Variants in MOB1B observed in about 807,000 individuals in gnomAD.
MOB1B encodes the protein MOB kinase activator 1B, also known as MOB1 Mps One Binder homolog B.
A neutral mutation model predicts 24.4 loss-of-function variants in MOB1B; 19 were observed. The ratio of observed to expected loss-of-function variants is 0.78; its 90% CI spans 0.54 to 1.14. The LOEUF (loss-of-function observed/expected upper bound fraction) is 1.14, where lower values mean the gene tolerates loss of function less well. MOB1B is among the 50% of genes most tolerant of loss of function. The probability of loss-of-function intolerance (pLI) is 0.00; values close to 1 mark genes in which losing one functional copy is unlikely to be tolerated. For missense variants in MOB1B, 243 were observed against 259.6 expected (o/e 0.94, Z 0.44); for synonymous variants, 76 against 82.1 (o/e 0.93, Z 0.40).
In MOB1B at chr4:70,983,604, C is replaced by T. The variant is rs555703559; in HGVS notation, c.*1547C>T. On this transcript the variant is annotated 3_prime_UTR_variant, in exon 6 of 6. Coordinates refer to ENST00000309395, the MANE Select transcript of MOB1B (RefSeq NM_173468.4). Reference sequence around the variant, plus strand: ...CTTCAGTTGAAACATATACCTTTTTCACATCTAGGAAGAAATGCTTGCTCT... The same window carrying T: ...CTTCAGTTGAAACATATACCTTTTTTACATCTAGGAAGAAATGCTTGCTCT... 1.3e-5 allele frequency: 2 copies of T among 152,476 alleles called. No homozygotes were observed. Among genetic ancestry groups the T allele is most frequent in the African/African-American group, 4.8e-5 (2 of 41,418 alleles). The allele number at this position is 152,476 out of a possible 1,614,324, so 9.4% of individuals were successfully genotyped here.
chr4:70,959,712 A>G (rs1738221971), intron 2 of MOB1B, among the ~76,000 whole-genome samples: 1 of 152,112 alleles, frequency 6.6e-6, no homozygotes, highest in African/African-American at 2.4e-5. Flanking sequence ...ATTTCGGTTT[A>G]ATAGATTAAG....
rs546511912 is a variant in MOB1B at position 70,932,937 on chromosome 4, G to A, written c.15-25937G>A. On this transcript the variant is annotated intron_variant, in intron 1 of 5. Transcript: ENST00000309395. Reference sequence around the variant, plus strand: ...CTTATCTATAGTATACTGTAAGAACGCTGGGTCATATATCTATATTATTGT... The same window carrying A: ...CTTATCTATAGTATACTGTAAGAACACTGGGTCATATATCTATATTATTGT... 9.3e-4 allele frequency among the ~76,000 whole-genome samples: 141 copies of A among 152,242 alleles called. 2 individuals are homozygous for A. The highest frequency in any genetic ancestry group is 1.8e-3 in the African/African-American group (76 of 41,518).
intron 5 of MOB1B, among the ~76,000 whole-genome samples, chr4:70,981,201 T>G (rs1175730284): frequency 6.6e-6 from 1 of 152,232 alleles, no homozygotes; most frequent in Non-Finnish European, 1.5e-5. Flanking sequence ...GGTCCTGTTA[T>G]TAAATATCCT....
intron 3 of MOB1B, among the ~76,000 whole-genome samples, chr4:70,973,782 A>T (rs540166768): frequency 7.9e-5 from 12 of 152,214 alleles, no homozygotes; most frequent in Non-Finnish European, 2.9e-5. Context: ...CACTTTTGGC[A>T]GTAAGGTTGT....
intron 1 of MOB1B, among the ~76,000 whole-genome samples, chr4:70,934,226 A>G (rs996971622): frequency 1.3e-5 from 2 of 151,150 alleles, no homozygotes; most frequent in Non-Finnish European, 2.9e-5. Flanking sequence ...CCAGGATTAC[A>G]GGCATGTACC....
At chr4:70,960,173 C>T (rs902432035) in intron 2 of MOB1B, among the ~76,000 whole-genome samples, 1 of 152,088 alleles carries the variant, frequency 6.6e-6, no homozygotes, top group Non-Finnish European at 1.5e-5. Flanking sequence ...TGAGCTACCA[C>T]GCCCGGCCAG....
intron 1 of MOB1B, among the ~76,000 whole-genome samples, chr4:70,933,839 T>G (rs1736978009): frequency 6.6e-6 from 1 of 151,838 alleles, no homozygotes; most frequent in Non-Finnish European, 1.5e-5. Flanking sequence ...TGTGAGCCAC[T>G]GTGCCTGGCC....
intron 1 of MOB1B, among the ~76,000 whole-genome samples, chr4:70,931,214 G>A (rs1283097804): frequency 6.6e-6 from 1 of 152,106 alleles, no homozygotes; most frequent in African/African-American, 2.4e-5. Flanking sequence ...AATGAAATTA[G>A]CTTTAATGAA....
rs563422744 is a variant in MOB1B, at chr4:70,976,044, C to T, written c.409+758C>T. 18 of 256,092 alleles carry T rather than the reference C, an allele frequency of 7.0e-5. No individual in the cohort carries two copies. In the East Asian group the frequency reaches 1.4e-3, roughly 20 times the overall value. 15.9% of individuals were successfully genotyped at this position (256,092 alleles called of 1,614,324 possible). On this transcript the variant is annotated intron_variant, in intron 4 of 5. Coordinates refer to ENST00000309395, the MANE Select transcript of MOB1B (RefSeq NM_173468.4). ...CATCCTAAGTAACTGGGACTACAGA[C>T]GCGTGCCACCACGCCCAGCTAATTT...
At chr4:70,908,330 C>CTTT (rs1214043788) in intron 1 of MOB1B, among the ~76,000 whole-genome samples, 1 of 132,236 alleles carries the variant, frequency 7.6e-6, no homozygotes, top group Non-Finnish European at 1.6e-5. Flanking sequence ...GCCCGGCCCT[C>CTTT]TTTTTTTTTT....
At chr4:70,913,099 C>T (rs76936831) in intron 1 of MOB1B, among the ~76,000 whole-genome samples, 1,636 of 152,240 alleles carry the variant, frequency 0.011, 27 homozygotes, top group African/African-American at 0.038. Context: ...CTTTCCTTGA[C>T]TTTTATGACC....
chr4:70,921,330 A>G (rs1041745664), intron 1 of MOB1B, among the ~76,000 whole-genome samples: 5 of 152,156 alleles, frequency 3.3e-5, no homozygotes, highest in Admixed American at 1.3e-4. Context: ...AGCACTATCT[A>G]TGCAAAACAG....
chr4:70,938,991 C>A (rs186425646), intron 1 of MOB1B, among the ~76,000 whole-genome samples: 1 of 152,224 alleles, frequency 6.6e-6, no homozygotes, highest in Admixed American at 6.5e-5. Flanking sequence ...TGGCCCCTTG[C>A]AGTTCAAATT....
chr4:70,940,033 G>T (rs1251549346), intron 1 of MOB1B, among the ~76,000 whole-genome samples: 1 of 152,168 alleles, frequency 6.6e-6, no homozygotes, highest in Non-Finnish European at 1.5e-5. Flanking sequence ...CCCAGTGCCA[G>T]CATCTGTTGG....
intron 1 of MOB1B, among the ~76,000 whole-genome samples, chr4:70,916,537 T>C (rs1404473935): frequency 6.6e-6 from 1 of 152,026 alleles, no homozygotes; most frequent in African/African-American, 2.4e-5. Context: ...CTCACTTGCC[T>C]AGGCAATTTC....
At chr4:70,918,921 A>T (rs929338427) in intron 1 of MOB1B, among the ~76,000 whole-genome samples, 10 of 152,146 alleles carry the variant, frequency 6.6e-5, no homozygotes, top group African/African-American at 2.2e-4. Context: ...CAAATGTCCA[A>T]CGATAGACTG....
intron 1 of MOB1B, among the ~76,000 whole-genome samples, chr4:70,955,075 T>A (rs1737986181): frequency 6.6e-6 from 1 of 152,198 alleles, no homozygotes; most frequent in Non-Finnish European, 1.5e-5. Flanking sequence ...CATGAGCCAC[T>A]GTGCCCGGCC....
chr4:70,978,125 CTCTA>C (rs1207874750), intron 4 of MOB1B, among the ~76,000 whole-genome samples: 2 of 152,148 alleles, frequency 1.3e-5, no homozygotes, highest in Non-Finnish European at 2.9e-5. Flanking sequence ...CTGTTTTATT[CTCTA>C]TCTCTGTATA....
chr4:70,952,829 A>G (rs1175410544), intron 1 of MOB1B, among the ~76,000 whole-genome samples: 31 of 151,548 alleles, frequency 2.0e-4, no homozygotes, highest in Non-Finnish European at 1.5e-5. Flanking sequence ...GCATTTGGGC[A>G]TACAGTGTTG....
Sources: allele counts gnomAD v4.1 joint callset (sites outside exome capture counted in the v4.1 genomes callset), GRCh38; gene constraint gnomAD v4.1.1; transcripts MANE v1.5; gene names NCBI Gene and HGNC (gene_info 2026-07-23, HGNC 2026-07-21).